Variants in SRPK2 observed in about 807,000 individuals in gnomAD.
SRPK2 encodes SRSF protein kinase 2.
In SRPK2, 21 loss-of-function variants were observed where a neutral mutation model predicts 90.8. That is an observed-to-expected ratio of 0.23 (90% confidence interval 0.16 to 0.33). The LOEUF (loss-of-function observed/expected upper bound fraction) is 0.33. Ranked by LOEUF, SRPK2 falls within the 10% of genes least tolerant of loss-of-function variation. SRPK2 has a pLI of 1.00. For missense variants in SRPK2, 620 were observed against 869.0 expected (o/e 0.71, Z 3.60); for synonymous variants, 288 against 311.1 (o/e 0.93, Z 0.78).
intron 3 of SRPK2, chr7:105,189,133 T>C (rs906514955): frequency 2.6e-5 from 4 of 153,554 alleles, no homozygotes; most frequent in African/African-American, 9.6e-5. Context: ...AGGCCCTCAC[T>C]TCATCCAGCA....
chr7:105,342,682 C>T (rs1239780885), intron 2 of SRPK2, among the ~76,000 whole-genome samples: 1 of 152,074 alleles, frequency 6.6e-6, no homozygotes, highest in Admixed American at 6.6e-5. Flanking sequence ...TCCTCCATGC[C>T]CCCGTATATA....
chr7:105,378,974 T>C (rs541409090), intron 2 of SRPK2, among the ~76,000 whole-genome samples: 6 of 151,760 alleles, frequency 4.0e-5, no homozygotes, highest in South Asian at 4.2e-4. Context: ...CTGGGCAACA[T>C]AGGGAGATCC....
chr7:105,244,535 C>G (rs1801306297), intron 2 of SRPK2: 6 of 532,970 alleles, frequency 1.1e-5, no homozygotes, highest in Non-Finnish European at 2.0e-5. Context: ...GATCGTGCCA[C>G]TGCACTCCCG....
At chr7:105,232,462 A>T (rs1239538461) in intron 2 of SRPK2, among the ~76,000 whole-genome samples, 36 of 8,236 alleles carry the variant, frequency 4.4e-3, no homozygotes, top group African/African-American at 0.016. Flanking sequence ...CTTATCTAAA[A>T]AAAAAAAAAA....
At chr7:105,287,506 G>GC (rs1808325223) in intron 2 of SRPK2, among the ~76,000 whole-genome samples, 1 of 152,138 alleles carries the variant, frequency 6.6e-6, no homozygotes, top group African/African-American at 2.4e-5. Flanking sequence ...GGAGGCTGAG[G>GC]AGGGGAGATC....
At chr7:105,190,798 C>T (rs1057512532) in intron 3 of SRPK2, among the ~76,000 whole-genome samples, 3 of 152,126 alleles carry the variant, frequency 2.0e-5, no homozygotes, top group African/African-American at 4.8e-5. Flanking sequence ...TCTGATTCTC[C>T]GATTCATATT....
intron 2 of SRPK2, among the ~76,000 whole-genome samples, chr7:105,239,835 C>T (rs896253831): frequency 6.6e-6 from 1 of 152,200 alleles, no homozygotes; most frequent in Non-Finnish European, 1.5e-5. Context: ...CTAGGATCTT[C>T]GCAGCAGTGT....
At chr7:105,334,373 C>T (rs548451948) in intron 2 of SRPK2, among the ~76,000 whole-genome samples, 5 of 152,074 alleles carry the variant, frequency 3.3e-5, no homozygotes, top group South Asian at 4.1e-4. Context: ...CCACCACGCC[C>T]GGCCAATGCC....
intron 3 of SRPK2, among the ~76,000 whole-genome samples, chr7:105,173,928 T>G (rs997278332): frequency 3.3e-5 from 5 of 151,274 alleles, no homozygotes; most frequent in African/African-American, 1.2e-4. Context: ...TGGTGTTTTT[T>G]TTTTTTTTTT....
chr7:105,355,930 T>C (rs554896297), intron 2 of SRPK2, among the ~76,000 whole-genome samples: 24 of 152,128 alleles, frequency 1.6e-4, no homozygotes, highest in Admixed American at 9.8e-4. Context: ...CTGCCAGTAG[T>C]CCAGCTACTT....
At chr7:105,396,779 AGAGAAAGAAAGAAAG>A (rs1822337399) in intron 1 of SRPK2, among the ~76,000 whole-genome samples, 9 of 142,624 alleles carry the variant, frequency 6.3e-5, no homozygotes, top group African/African-American at 2.3e-4. Flanking sequence ...AAAGAAAGAG[AGAGAAAGAAAGAAAG>A]AGAAAGAGAA....
chr7:105,158,292 T>C (rs920153947), intron 7 of SRPK2, among the ~76,000 whole-genome samples: 1 of 151,942 alleles, frequency 6.6e-6, no homozygotes, highest in African/African-American at 2.4e-5. Context: ...TCTTGTTCTG[T>C]TGCCCAGGCT....
At chr7:105,305,712 A>G (rs182994221) in intron 2 of SRPK2, among the ~76,000 whole-genome samples, 6 of 152,292 alleles carry the variant, frequency 3.9e-5, no homozygotes, top group African/African-American at 1.2e-4. Flanking sequence ...TTTAACAGAT[A>G]AAAGATTAAC....
intron 15 of SRPK2, among the ~76,000 whole-genome samples, chr7:105,125,494 G>T (rs190423236): frequency 7.9e-5 from 12 of 152,292 alleles, no homozygotes; most frequent in African/African-American, 2.9e-4. Flanking sequence ...AAGTCTAGCT[G>T]GCTTTTAACA....
At chr7:105,345,051 A>T (rs973141338) in intron 2 of SRPK2, among the ~76,000 whole-genome samples, 1 of 151,916 alleles carries the variant, frequency 6.6e-6, no homozygotes, top group African/African-American at 2.4e-5. Context: ...CAGAAGAATC[A>T]CTTGAAACCA....
At chr7:105,299,997 A>G (rs1214566738) in intron 2 of SRPK2, among the ~76,000 whole-genome samples, 1 of 152,212 alleles carries the variant, frequency 6.6e-6, no homozygotes, top group Admixed American at 6.5e-5. Context: ...AAAATTAAAT[A>G]TAATAAATAT....
chr7:105,319,332 A>T (rs1458254636), intron 2 of SRPK2, among the ~76,000 whole-genome samples: 1 of 152,170 alleles, frequency 6.6e-6, no homozygotes, highest in Admixed American at 6.6e-5. Flanking sequence ...GTTTAAGTAT[A>T]CAGCCCTCCA....
At chr7:105,195,001 C>T (rs532733628) in intron 3 of SRPK2, among the ~76,000 whole-genome samples, 165 of 152,328 alleles carry the variant, frequency 1.1e-3, no homozygotes, top group Non-Finnish European at 2.0e-3. Context: ...AGGCCTACCA[C>T]ATACTGCTGA....
chr7:105,376,907 A>G (rs551907111), intron 2 of SRPK2, among the ~76,000 whole-genome samples: 1 of 143,212 alleles, frequency 7.0e-6, no homozygotes, highest in East Asian at 2.1e-4. Context: ...ACACACACAC[A>G]CACTAAAAAG....
Sources: allele counts gnomAD v4.1 joint callset (sites outside exome capture counted in the v4.1 genomes callset), GRCh38; gene constraint gnomAD v4.1.1; transcripts MANE v1.5; gene names NCBI Gene and HGNC (gene_info 2026-07-23, HGNC 2026-07-21).